The following CCDC180 variants were observed in gnomAD, a reference collection of about 807,000 sequenced individuals.
CCDC180 encodes coiled-coil domain containing 180, also known as coiled-coil domain-containing protein 180.
A neutral mutation model predicts 209.2 loss-of-function variants in CCDC180; 154 were observed. The observed-to-expected ratio is 0.74, with a 90% CI of 0.65 to 0.84. CCDC180 has a LOEUF of 0.84. Ranked by LOEUF, CCDC180 falls within the 40% of genes least tolerant of loss-of-function variation. The pLI is 0.00. For missense variants in CCDC180, 1,874 were observed against 1,997.3 expected (o/e 0.94, Z 1.18); for synonymous variants, 778 against 749.1 (o/e 1.04, Z -0.63).
intron 4 of CCDC180, among the ~76,000 whole-genome samples, chr9:97,312,640 TCACCATGA>T (rs1489042698): frequency 6.6e-6 from 1 of 152,124 alleles, no homozygotes; most frequent in Non-Finnish European, 1.5e-5. Context: ...ACCTTCCCCT[TCACCATGA>T]CACCTGTTCT....
intron 18 of CCDC180, among the ~76,000 whole-genome samples, chr9:97,336,787 A>G (rs1466054887): frequency 6.6e-6 from 1 of 152,158 alleles, no homozygotes; most frequent in East Asian, 1.9e-4. Context: ...GATTCTTCCT[A>G]TCCATGAGGA....
chr9:97,348,629 G>A (rs1478544876), intron 20 of CCDC180, among the ~76,000 whole-genome samples: 1 of 152,122 alleles, frequency 6.6e-6, no homozygotes, highest in Non-Finnish European at 1.5e-5. Flanking sequence ...CTCATTTAAA[G>A]GCCCATGATG....
chr9:97,326,854 T>C (rs1833550696), intron 15 of CCDC180, among the ~76,000 whole-genome samples, 185 bp downstream of exon 15: 1 of 152,174 alleles, frequency 6.6e-6, no homozygotes, highest in South Asian at 2.1e-4. Flanking sequence ...CCAGGGAGAA[T>C]TTTTTAAAGT....
intron 22 of CCDC180, among the ~76,000 whole-genome samples, chr9:97,351,592 A>G (rs1252770887): frequency 6.6e-6 from 1 of 152,222 alleles, no homozygotes. Flanking sequence ...TTAGAGCATA[A>G]TCAAACACAG....
chr9:97,362,219 C>T lies in CCDC180; in HGVS notation c.3680C>T (p.Thr1227Ile), dbSNP rs749665112. 8.1e-6 allele frequency: 13 copies of T among 1,613,424 alleles called. No homozygotes were observed. The Admixed American group carries it at 1.5e-4, about 19-fold the overall frequency. Residue 1227 changes from threonine (T) to isoleucine (I), a missense_variant, in exon 28 of 37, where the codon ACC (threonine) becomes ATC (isoleucine). Coordinates refer to ENST00000529487, the MANE Select transcript of CCDC180 (RefSeq NM_020893.6). Reference protein sequence around the residue: ...LLQLPNTKWPTHHCDKDPSQT... With the variant: ...LLQLPNTKWPIHHCDKDPSQT... Reference sequence around the variant, plus strand: ...AGACTTCCCAACACAAAATGGCCAACCCACCATTGTGACAAAGATCCGTCC... The same window carrying T: ...AGACTTCCCAACACAAAATGGCCAATCCACCATTGTGACAAAGATCCGTCC...
At chr9:97,317,372 G>C in intron 9 of CCDC180, 144 bp downstream of exon 9, 1 of 717,388 alleles carries the variant, frequency 1.4e-6, no homozygotes, top group Non-Finnish European at 2.2e-6. Context: ...ATAGATAAAG[G>C]TATAAAGAAT....
chr9:97,331,553 G>T (rs1416501306), intron 18 of CCDC180, among the ~76,000 whole-genome samples: 4 of 152,058 alleles, frequency 2.6e-5, no homozygotes, highest in Admixed American at 1.3e-4. Context: ...CTGCAATCTT[G>T]CCAGCATCTG....
chr9:97,378,298 A>G lies in CCDC180; in HGVS notation c.*1404A>G, dbSNP rs1041182590. 6 of 152,264 alleles carry G rather than the reference A, an allele frequency of 3.9e-5. 1 individual carries two copies. Among genetic ancestry groups the G allele is most frequent in the Admixed American group, 3.3e-4 (5 of 15,290 alleles). The allele number at this position is 152,264 out of a possible 1,614,324, so 9.4% of individuals were successfully genotyped here. ...TATTTTTATAAAATGGAATCATAAC[A>G]TGCATTAGGTTCCATAAACTGCTTG... On this transcript the variant is annotated 3_prime_UTR_variant, in exon 37 of 37. Transcript: ENST00000529487.
intron 21 of CCDC180, among the ~76,000 whole-genome samples, chr9:97,349,797 G>C (rs1826372107): frequency 6.6e-6 from 1 of 152,144 alleles, no homozygotes; most frequent in African/African-American, 2.4e-5. Flanking sequence ...GAGGAGACTG[G>C]CAAGTGTCTA....
intron 12 of CCDC180, 117 bp downstream of exon 12, chr9:97,323,038 C>A: frequency 4.1e-6 from 3 of 736,926 alleles, no homozygotes; most frequent in Non-Finnish European, 7.0e-6. Context: ...TTCACACCCA[C>A]ACACCCTTTA....
In CCDC180 at chr9:97,314,945, T is replaced by C. The variant is rs754284201; in HGVS notation, c.794T>C (p.Met265Thr). 8.7e-6 allele frequency: 14 copies of C among 1,613,202 alleles called. No homozygotes were observed. Among genetic ancestry groups the C allele is most frequent in the Non-Finnish European group, 1.0e-5 (12 of 1,179,288 alleles). ...EVYRLINEEA[M>T]VMNYALLGNR... ...TACAGGCTGATAAATGAAGAAGCCA[T>C]GGTGAGTGGTTTTCCTGTGCAGGGA... The change falls in exon 8 of 37, where the codon ATG becomes ACG. Residue 265 changes from methionine (M) to threonine (T), a missense_variant and splice_region_variant. Met to Thr is a moderately conservative substitution (Grantham distance 81). Coordinates refer to ENST00000529487, the MANE Select transcript of CCDC180 (RefSeq NM_020893.6).
At chr9:97,324,375 A>G (rs557337743) in intron 13 of CCDC180, among the ~76,000 whole-genome samples, 13 of 152,204 alleles carry the variant, frequency 8.5e-5, no homozygotes, top group South Asian at 6.2e-4. Flanking sequence ...CTGTGTTCCA[A>G]TAACTATTGA....
chr9:97,370,949 A>AAT, intron 33 of CCDC180, 171 bp downstream of exon 33: 17 of 242,406 alleles, frequency 7.0e-5, no homozygotes, highest in Non-Finnish European at 9.0e-5. Context: ...TAACTTGTAT[A>AAT]CTTTTTTTTT....
At chr9:97,354,825 C>G (rs1327095281) in intron 23 of CCDC180, 67 bp from the exon 24 acceptor site, 5 of 1,561,974 alleles carry the variant, frequency 3.2e-6, no homozygotes, top group Admixed American at 1.7e-5. Context: ...GCCTGTCCCC[C>G]TCCTCCTTCA....
Position 97,370,004 on chromosome 9 carries a change from C to T in CCDC180, c.4272C>T (p.His1424=). Residue 1424 remains histidine (H), a synonymous_variant, in exon 32 of 37, where the codon CAC becomes CAT. Coordinates refer to ENST00000529487, the MANE Select transcript of CCDC180 (RefSeq NM_020893.6). The stretch of plus-strand genomic sequence containing the variant: ...TGATGGAGAATTTCAAGGAACACCA[C>T]TGGAAAAAGTTTTTCACCTCTGTGA... The part of the protein sequence containing the change: ...WLVMENFKEH[H]WKKFFTSVKE... 1 of 1,614,186 alleles carries T rather than the reference C, an allele frequency of 6.2e-7. No individual in the cohort carries two copies. Among genetic ancestry groups the T allele is most frequent in the Non-Finnish European group, 8.5e-7 (1 of 1,180,032 alleles).
chr9:97,336,116 C>T (rs1380011735), intron 18 of CCDC180, among the ~76,000 whole-genome samples: 1 of 152,076 alleles, frequency 6.6e-6, no homozygotes, highest in African/African-American at 2.4e-5. Context: ...AATTTTCTCC[C>T]ATTCTGTAGG....
rs1833201108 is a variant in CCDC180 at position 97,317,128 on chromosome 9, G to A, written c.859G>A (p.Glu287Lys). ...CGCCCAGCTGTTTGTCAACCTGATG[G>A]AGTCCACCCTGCAGCAGGAGCTGGA... is the stretch of plus-strand genomic sequence containing the variant. ...ALAQLFVNLM[E>K]STLQQELDSR... The change falls in exon 9 of 37, where the codon GAG becomes AAG. Residue 287 changes from glutamate to lysine, a missense_variant. Transcript: ENST00000529487. The A allele has an allele frequency of 6.2e-7, 1 of 1,613,368 alleles. No individual in the cohort carries two copies. Among genetic ancestry groups the A allele is most frequent in the Non-Finnish European group, 8.5e-7 (1 of 1,179,902 alleles).
Position 97,354,713 on chromosome 9 carries a change from G to A in CCDC180, c.3147G>A (p.Gln1049=), listed in dbSNP as rs771252841. The change falls in exon 23 of 37, where the codon CAG becomes CAA. Residue 1049 remains glutamine, a splice_region_variant and synonymous_variant. Coordinates refer to ENST00000529487, the MANE Select transcript of CCDC180 (RefSeq NM_020893.6). The part of the protein sequence containing the change: ...MEKLENEYLD[Q]ANDVINKFES... ...AGTTGGAGAATGAGTACCTGGACCA[G>A]GTAGGGCCCCCAGCCAGGCCCCAGG... 6.2e-7 allele frequency: 1 copy of A among 1,614,220 alleles called. No individual in the cohort carries two copies. The highest frequency in any genetic ancestry group is 2.2e-5 in the East Asian group (1 of 44,884).
intron 24 of CCDC180, among the ~76,000 whole-genome samples, chr9:97,356,328 T>C (rs1473297363): frequency 6.6e-6 from 1 of 152,200 alleles, no homozygotes; most frequent in Non-Finnish European, 1.5e-5. Flanking sequence ...AAGTGTTTGC[T>C]GGCATCTCAC....
Sources: allele counts gnomAD v4.1 joint callset (sites outside exome capture counted in the v4.1 genomes callset), GRCh38; gene constraint gnomAD v4.1.1; transcripts MANE v1.5; gene names NCBI Gene and HGNC (gene_info 2026-07-23, HGNC 2026-07-21).